SCNN1B: variants seen among roughly 807,000 people sequenced by gnomAD.
SCNN1B encodes the protein epithelial sodium channel subunit beta.
A neutral mutation model predicts 65.3 loss-of-function variants in SCNN1B; 46 were observed. The ratio of observed to expected loss-of-function variants is 0.70; its 90% CI spans 0.56 to 0.90. The LOEUF (loss-of-function observed/expected upper bound fraction) is 0.90. Among genes scored for constraint, SCNN1B ranks in the 40% least tolerant of loss-of-function variants. The pLI, the probability that SCNN1B is intolerant of heterozygous loss-of-function variation, is 0.00. For missense variants in SCNN1B, 751 were observed against 830.5 expected, an observed-to-expected ratio of 0.90 and a Z score of 1.18; for synonymous variants, 349 against 330.6, an observed-to-expected ratio of 1.06 and a Z score of -0.60.
At chr16:23,279,091 G>A (rs1351470251) in intron 1 of SCNN1B, among the ~76,000 whole-genome samples, 1 of 151,636 alleles carries the variant, frequency 6.6e-6, no homozygotes, top group African/African-American at 2.4e-5. Context: ...GTGTGTGTGT[G>A]TGTGTGATGG....
At chr16:23,314,594 C>T (rs542567150) in intron 1 of SCNN1B, among the ~76,000 whole-genome samples, 15 of 152,132 alleles carry the variant, frequency 9.9e-5, no homozygotes, top group Admixed American at 5.2e-4. Flanking sequence ...TTCTTGGTGT[C>T]GTCTGAGAGG....
At chr16:23,307,731 C>G (rs1206526236) in intron 1 of SCNN1B, among the ~76,000 whole-genome samples, 2 of 152,154 alleles carry the variant, frequency 1.3e-5, no homozygotes, top group Non-Finnish European at 2.9e-5. Context: ...GTAGTCCCCC[C>G]ACCAGCAGCA....
chr16:23,328,591 G>A (rs910242514), intron 1 of SCNN1B, among the ~76,000 whole-genome samples: 1 of 152,174 alleles, frequency 6.6e-6, no homozygotes, highest in African/African-American at 2.4e-5. Context: ...TAACAAGCAT[G>A]AGCTGGACTC....
intron 1 of SCNN1B, among the ~76,000 whole-genome samples, chr16:23,336,126 G>T (rs1961934349): frequency 6.6e-6 from 1 of 152,188 alleles, no homozygotes; most frequent in South Asian, 2.1e-4. Flanking sequence ...CAGGCAATCT[G>T]GTTTCTATTT....
At chr16:23,374,908 C>T (rs1962861786) in intron 7 of SCNN1B, among the ~76,000 whole-genome samples, 1 of 152,086 alleles carries the variant, frequency 6.6e-6, no homozygotes, top group Non-Finnish European at 1.5e-5. Context: ...AGAACCACTG[C>T]CTCCATCCGT....
chr16:23,329,779 C>T (rs1310446312), intron 1 of SCNN1B, among the ~76,000 whole-genome samples: 4 of 152,220 alleles, frequency 2.6e-5, no homozygotes, highest in Non-Finnish European at 5.9e-5. Context: ...GTCATGCACA[C>T]TCACATTCTA....
upstream of SCNN1B, among the ~76,000 whole-genome samples, chr16:23,299,660 A>G (rs1319182858): frequency 6.6e-6 from 1 of 152,356 alleles, no homozygotes; most frequent in South Asian, 2.1e-4. Context: ...CACACCAGTT[A>G]GAATGGCAAT....
chr16:23,367,760 C>CG, intron 4 of SCNN1B, 96 bp from the exon 5 acceptor site: 2 of 960,064 alleles, frequency 2.1e-6, no homozygotes, highest in Non-Finnish European at 3.4e-6. Flanking sequence ...CCTTTCGGAG[C>CG]CCCTCCAAGG....
upstream of SCNN1B, among the ~76,000 whole-genome samples, chr16:23,298,395 G>A (rs533863084): frequency 1.3e-5 from 2 of 152,162 alleles, no homozygotes; most frequent in African/African-American, 2.4e-5. Context: ...ACCCCATGAC[G>A]GCCAGAGCAG....
At chr16:23,279,433 T>TA (rs79950368) in intron 1 of SCNN1B, among the ~76,000 whole-genome samples, 10,763 of 152,082 alleles carry the variant, frequency 0.071, 1,037 homozygotes, top group African/African-American at 0.22. Flanking sequence ...GGAGAAAACT[T>TA]ACACAAGGAG....
intron 2 of SCNN1B, among the ~76,000 whole-genome samples, chr16:23,352,415 G>A (rs1243402361): frequency 6.6e-6 from 1 of 152,210 alleles, no homozygotes; most frequent in Non-Finnish European, 1.5e-5. Context: ...TGTGTCGAGG[G>A]AGGGACCTGG....
chr16:23,357,561 C>T (rs1188096113), intron 4 of SCNN1B, among the ~76,000 whole-genome samples: 1 of 152,200 alleles, frequency 6.6e-6, no homozygotes, highest in Non-Finnish European at 1.5e-5. Context: ...TCAGCCTGGG[C>T]AGCAGAGTGA....
chr16:23,378,588 T>C, intron 10 of SCNN1B, 118 bp from the exon 11 acceptor site: 1 of 873,396 alleles, frequency 1.1e-6, no homozygotes, highest in Non-Finnish European at 1.9e-6. Context: ...CAAATTGTGA[T>C]TCCCCCGGGG....
chr16:23,296,189 C>T (rs1400705189), intron 2 of SCNN1B, among the ~76,000 whole-genome samples: 1 of 152,096 alleles, frequency 6.6e-6, no homozygotes, highest in Admixed American at 6.6e-5. Flanking sequence ...CCCCTTGGGG[C>T]AGAAACAAGA....
In SCNN1B at chr16:23,380,635, C is replaced by T. The variant is rs147926991; in HGVS notation, c.1757C>T (p.Thr586Ile). ...PTVAELVEAH[T>I]NFGFQPDTAP... ...GTGGCCGAGCTGGTGGAGGCCCACA[C>T]CAACTTTGGCTTCCAGCCTGACACG... The change falls in exon 13 of 13, where the codon ACC becomes ATC. Residue 586 changes from threonine to isoleucine, a missense_variant. Thr to Ile is a moderately conservative substitution (Grantham distance 89). Transcript: ENST00000343070. This position sits in a 1 kb window ranked among gnomAD's most constrained non-coding sequence, Gnocchi z 5.4. 389 of 1,613,490 alleles carry T rather than the reference C, an allele frequency of 2.4e-4. No individual in the cohort carries two copies. Among genetic ancestry groups the T allele is most frequent in the Non-Finnish European group, 3.0e-4 (358 of 1,179,778 alleles).
chr16:23,352,742 A>T, intron 2 of SCNN1B, 59 bp from the exon 3 acceptor site: 5 of 1,593,572 alleles, frequency 3.1e-6, no homozygotes, highest in Non-Finnish European at 3.4e-6. Context: ...CCCAGATTTC[A>T]TTTGCTCTGC....
At chr16:23,332,310 C>T (rs1470322057) in intron 1 of SCNN1B, among the ~76,000 whole-genome samples, 1 of 152,002 alleles carries the variant, frequency 6.6e-6, no homozygotes, top group Non-Finnish European at 1.5e-5. Context: ...ATTCTCCTGC[C>T]TCAGCCTCCC....
chr16:23,339,301 G>C (rs1962005269), intron 1 of SCNN1B, among the ~76,000 whole-genome samples: 2 of 151,886 alleles, frequency 1.3e-5, no homozygotes, highest in African/African-American at 4.8e-5. Context: ...TTCTAGGTGG[G>C]GGCTATTATG....
chr16:23,293,657 T>A (rs1377080722), intron 2 of SCNN1B, among the ~76,000 whole-genome samples: 1 of 152,182 alleles, frequency 6.6e-6, no homozygotes, highest in Admixed American at 6.5e-5. Context: ...CTGGGCGTGG[T>A]GGCTCATGCC....
Sources: gnomAD v4.1 joint callset for allele counts (sites outside exome capture counted in the v4.1 genomes callset) on GRCh38, gnomAD v4.1.1 for gene constraint, Gnocchi (gnomAD v3.1) non-coding constraint, MANE v1.5 for transcripts, NCBI Gene and HGNC (gene_info 2026-07-23, HGNC 2026-07-21) for gene names.